COMMD10: variants seen among roughly 807,000 people sequenced by gnomAD.
The protein encoded by COMMD10 is COMM domain containing 10, also known as COMM domain-containing protein 10.
In COMMD10, 33 loss-of-function variants were observed where a neutral mutation model predicts 28.9. The ratio of observed to expected loss-of-function variants is 1.14; its 90% CI spans 0.87 to 1.53. The LOEUF (loss-of-function observed/expected upper bound fraction) is 1.53. Ranked by LOEUF, COMMD10 falls within the 40% of genes most tolerant of loss-of-function variation. The pLI is 0.00. For synonymous variants in COMMD10, 110 were observed against 81.7 expected, an observed-to-expected ratio of 1.35 and a Z score of -1.87; for missense variants, 310 against 233.4, an observed-to-expected ratio of 1.33 and a Z score of -2.14.
chr5:116,107,203 C>A (rs1169235091), intron 4 of COMMD10, among the ~76,000 whole-genome samples: 1 of 152,040 alleles, frequency 6.6e-6, no homozygotes, highest in Non-Finnish European at 1.5e-5. Context: ...CCCTCTATTT[C>A]CTGAATTTGA....
intron 5 of COMMD10, among the ~76,000 whole-genome samples, chr5:116,195,727 C>T (rs748170919): frequency 6.6e-6 from 1 of 151,966 alleles, no homozygotes; most frequent in Non-Finnish European, 1.5e-5. Flanking sequence ...TTTAATATTA[C>T]TCAAATCAGT....
At chr5:116,286,464 A>G (rs1300105025) in intron 5 of COMMD10, among the ~76,000 whole-genome samples, 1 of 149,290 alleles carries the variant, frequency 6.7e-6, no homozygotes, top group Non-Finnish European at 1.5e-5. Flanking sequence ...TGTTAAGTTG[A>G]GATATATATG....
At chr5:116,105,325 A>G (rs1750802360) in intron 4 of COMMD10, among the ~76,000 whole-genome samples, 3 of 152,188 alleles carry the variant, frequency 2.0e-5, no homozygotes, top group Admixed American at 1.3e-4. Context: ...ATCATGGTGG[A>G]TAAGCTATTT....
Position 116,154,013 on chromosome 5 carries a change from C to G in COMMD10, c.510+19835C>G, listed in dbSNP as rs564516779. The stretch of plus-strand genomic sequence containing the variant: ...ATTTTATTAGAGCTTAGCCACTCAA[C>G]CACAATAAAAGTAGGCAAGAGGTCA... On this transcript the variant is annotated intron_variant, in intron 5 of 6. Coordinates refer to ENST00000274458, the MANE Select transcript of COMMD10 (RefSeq NM_016144.4). Among the ~76,000 whole-genome samples the G allele has an allele frequency of 3.3e-5, 5 of 152,098 alleles. No individual in the cohort carries two copies. The South Asian group carries it at 8.3e-4, about 25-fold the overall frequency.
Position 116,293,019 on chromosome 5 carries a change from G to A in COMMD10, c.*530G>A, listed in dbSNP as rs1751412843. On this transcript the variant is annotated 3_prime_UTR_variant, in exon 7 of 7. Transcript: ENST00000274458. ...GGAAATGTAAAATAGTGAGTAGTAT[G>A]GTATCAGTTAATTCCAGTCTGAGCT... 2.5e-6 allele frequency: 1 copy of A among 397,192 alleles called. No individual in the cohort carries two copies. The highest frequency in any genetic ancestry group is 2.1e-5 in the African/African-American group (1 of 48,542). 24.6% of individuals were successfully genotyped at this position (397,192 alleles called of 1,614,324 possible). A position where few individuals can be genotyped will look rare whatever the true frequency, so the allele number is the denominator to read the frequency against.
intron 5 of COMMD10, among the ~76,000 whole-genome samples, chr5:116,169,191 A>C (rs944751726): frequency 1.3e-5 from 2 of 152,158 alleles, no homozygotes; most frequent in Non-Finnish European, 2.9e-5. Flanking sequence ...ACAGAAATAC[A>C]AACTACCATC....
chr5:116,085,139 C>A, intron 1 of COMMD10, 46 bp downstream of exon 1: 1 of 1,585,570 alleles, frequency 6.3e-7, no homozygotes, highest in Non-Finnish European at 8.6e-7. Flanking sequence ...CCAGGAAGGC[C>A]CAGATCGGGC....
chr5:116,101,770 T>C (rs1284519036), intron 4 of COMMD10, among the ~76,000 whole-genome samples: 1 of 152,196 alleles, frequency 6.6e-6, no homozygotes, highest in Non-Finnish European at 1.5e-5. Context: ...AGATGATAGC[T>C]CATTGTGGCT....
chr5:116,117,614 C>T (rs773195837), intron 4 of COMMD10, among the ~76,000 whole-genome samples: 1 of 152,218 alleles, frequency 6.6e-6, no homozygotes, highest in Middle Eastern at 3.4e-3. Flanking sequence ...CAGGCACGCA[C>T]CACCACTCCT....
chr5:116,270,110 G>T (rs1457734555), intron 5 of COMMD10, among the ~76,000 whole-genome samples: 1 of 151,654 alleles, frequency 6.6e-6, no homozygotes, highest in Non-Finnish European at 1.5e-5. Flanking sequence ...TTTGTCCATT[G>T]TTTCTTATTT....
chr5:116,289,290 C>T (rs1163817936), intron 5 of COMMD10, among the ~76,000 whole-genome samples: 1 of 151,822 alleles, frequency 6.6e-6, no homozygotes, highest in Non-Finnish European at 1.5e-5. Context: ...TATTTTGTTC[C>T]TTTGATTAGG....
intron 5 of COMMD10, among the ~76,000 whole-genome samples, chr5:116,268,801 C>T (rs1750676277): frequency 6.6e-6 from 1 of 151,722 alleles, no homozygotes; most frequent in African/African-American, 2.4e-5. Flanking sequence ...TTTGTACGGA[C>T]ATGGATGAAG....
chr5:116,225,819 T>C (rs187863759), intron 5 of COMMD10, among the ~76,000 whole-genome samples: 50 of 151,964 alleles, frequency 3.3e-4, no homozygotes, highest in Admixed American at 3.3e-3. Flanking sequence ...TTTTTTTTTT[T>C]TTCTCTTCCT....
intron 5 of COMMD10, among the ~76,000 whole-genome samples, chr5:116,151,625 A>G (rs1039265073): frequency 1.3e-5 from 2 of 151,908 alleles, no homozygotes; most frequent in African/African-American, 4.8e-5. Flanking sequence ...TTTCTTTTAC[A>G]TTTTCTAGTT....
At chr5:116,100,112 T>C (rs916757984) in intron 4 of COMMD10, among the ~76,000 whole-genome samples, 1 of 152,184 alleles carries the variant, frequency 6.6e-6, no homozygotes, top group Non-Finnish European at 1.5e-5. Flanking sequence ...ACCTGTCATA[T>C]GAGATCAGGT....
chr5:116,132,365 T>G (rs1751889109), intron 4 of COMMD10, among the ~76,000 whole-genome samples: 3 of 152,248 alleles, frequency 2.0e-5, no homozygotes, highest in Admixed American at 1.3e-4. Flanking sequence ...AGATTGTGGC[T>G]TAGCCACGGT....
At chr5:116,087,303 G>T (rs1438852655) in intron 1 of COMMD10, among the ~76,000 whole-genome samples, 194 bp from the exon 2 acceptor site, 1 of 152,200 alleles carries the variant, frequency 6.6e-6, no homozygotes, top group Non-Finnish European at 1.5e-5. Context: ...TTCAGCAGAA[G>T]TAATTTTGGG....
At chr5:116,279,372 G>A (rs1751007949) in intron 5 of COMMD10, among the ~76,000 whole-genome samples, 1 of 151,758 alleles carries the variant, frequency 6.6e-6, no homozygotes, top group Non-Finnish European at 1.5e-5. Flanking sequence ...TTTAACACTG[G>A]GAAAATGCCT....
chr5:116,292,594 T>C lies in COMMD10; in HGVS notation c.*105T>C, dbSNP rs1190151445. On this transcript the variant is annotated 3_prime_UTR_variant, in exon 7 of 7. Coordinates refer to ENST00000274458, the MANE Select transcript of COMMD10 (RefSeq NM_016144.4). ...TTCTGAAGGATTCAGTGACTTGCTT[T>C]CTGTAAATTATATGGCTTATCACTT... The C allele has an allele frequency of 2.3e-6, 2 of 878,064 alleles. No individual in the cohort carries two copies. The highest frequency in any genetic ancestry group is 2.4e-5 in the Admixed American group (1 of 41,850). The allele number at this position is 878,064 out of a possible 1,614,324, so 54.4% of individuals were successfully genotyped here. A position where few individuals can be genotyped will look rare whatever the true frequency, so the allele number is the denominator to read the frequency against.
Sources: allele counts gnomAD v4.1 joint callset (sites outside exome capture counted in the v4.1 genomes callset), GRCh38; gene constraint gnomAD v4.1.1; transcripts MANE v1.5; gene names NCBI Gene and HGNC (gene_info 2026-07-23, HGNC 2026-07-21).